The following KCNH7 variants were observed in gnomAD, a reference collection of about 807,000 sequenced individuals.
KCNH7 encodes potassium voltage-gated channel subfamily H member 7.
A neutral mutation model predicts 120.8 loss-of-function variants in KCNH7; 49 were observed. The ratio of observed to expected loss-of-function variants is 0.41; its 90% CI spans 0.32 to 0.51. The LOEUF (loss-of-function observed/expected upper bound fraction) is 0.51. Among genes scored for constraint, KCNH7 ranks in the 20% least tolerant of loss-of-function variants. KCNH7 has a pLI of 0.38. For missense variants in KCNH7, 1,097 were observed against 1,446.6 expected (o/e 0.76, Z 3.92); for synonymous variants, 547 against 516.1 (o/e 1.06, Z -0.81).
At chr2:162,732,556 A>G (rs1404465234) in intron 2 of KCNH7, among the ~76,000 whole-genome samples, 1 of 152,144 alleles carries the variant, frequency 6.6e-6, no homozygotes, top group Admixed American at 6.5e-5. Context: ...TGCAAGGTAC[A>G]ATGGAAGGAA....
chr2:162,685,423 T>C (rs986466788), intron 2 of KCNH7, among the ~76,000 whole-genome samples: 4 of 152,130 alleles, frequency 2.6e-5, no homozygotes, highest in African/African-American at 7.2e-5. Context: ...AATTAGAACA[T>C]TGGTATAGTA....
chr2:162,379,814 G>C, intron 14 of KCNH7, 39 bp downstream of exon 14: 2 of 1,601,640 alleles, frequency 1.2e-6, no homozygotes, highest in Non-Finnish European at 1.7e-6. Context: ...CATGTAAGGG[G>C]TTGGGTTATG....
At position 162,647,722 on chromosome 2, in the gene KCNH7, C is replaced by A. The variant is rs148590094; in HGVS notation, c.308-110642G>T. 9.7e-3 allele frequency among the ~76,000 whole-genome samples: 1,470 copies of A among 152,222 alleles called. 33 individuals are homozygous for A. The highest frequency in any genetic ancestry group is 0.033 in the African/African-American group (1,387 of 41,508). On this transcript the variant is annotated intron_variant, in intron 2 of 15. Coordinates refer to ENST00000332142, the MANE Select transcript of KCNH7 (RefSeq NM_033272.4). ...CACCATGATTGAGAGGCCTCCCCAG[C>A]CACATTGAACTGAGTCAATCAATCC...
chr2:162,633,148 C>A (rs569136404), intron 2 of KCNH7, among the ~76,000 whole-genome samples: 1 of 151,954 alleles, frequency 6.6e-6, no homozygotes, highest in South Asian at 2.1e-4. Flanking sequence ...TTTAGCCTAT[C>A]GTATCATTTA....
intron 12 of KCNH7, among the ~76,000 whole-genome samples, chr2:162,393,265 G>A (rs1367226780): frequency 1.3e-5 from 2 of 151,940 alleles, no homozygotes; most frequent in Admixed American, 1.3e-4. Context: ...TGTTGAGTTC[G>A]AGCTGCCTTT....
Position 162,498,316 on chromosome 2 carries a change from C to CATTTAATTTAATTTA in KCNH7, c.1128+6112_1128+6126dup, listed in dbSNP as rs56162627. 7.7e-4 allele frequency among the ~76,000 whole-genome samples: 114 copies of CATTTAATTTAATTTA among 148,584 alleles called. 3 individuals carry two copies. Among genetic ancestry groups the CATTTAATTTAATTTA allele is most frequent in the Middle Eastern group, 3.4e-3 (1 of 292 alleles). ...TTACTTTCATAATATGGCCTTGTAG[C>CATTTAATTTAATTTA]ATTTAATTTAATTTAATTTAATTTA... On this transcript the variant is annotated intron_variant, in intron 6 of 15. Transcript: ENST00000332142.
intron 6 of KCNH7, among the ~76,000 whole-genome samples, chr2:162,473,943 C>A (rs1689650153): frequency 6.6e-6 from 1 of 152,068 alleles, no homozygotes; most frequent in African/African-American, 2.4e-5. Flanking sequence ...TGTAAGAGGT[C>A]AAAATTGACT....
At chr2:162,396,137 C>A (rs527388712) in intron 11 of KCNH7, among the ~76,000 whole-genome samples, 86 of 151,788 alleles carry the variant, frequency 5.7e-4, no homozygotes, top group African/African-American at 2.0e-3. Flanking sequence ...AAGAGCTACA[C>A]TCGAAGTTCA....
chr2:162,693,396 T>C (rs1338727835), intron 2 of KCNH7, among the ~76,000 whole-genome samples: 1 of 152,210 alleles, frequency 6.6e-6, no homozygotes, highest in East Asian at 1.9e-4. Context: ...TTTAATTTAG[T>C]AGTTTTTCAA....
intron 8 of KCNH7, among the ~76,000 whole-genome samples, chr2:162,425,816 T>C (rs575814198): frequency 7.5e-4 from 114 of 152,244 alleles, no homozygotes; most frequent in African/African-American, 2.6e-3. Context: ...ATCTCTACCA[T>C]CAAAATTAAC....
chr2:162,788,988 T>TAAAAAAAAAAAAAAAAAA (rs61348204), intron 2 of KCNH7, among the ~76,000 whole-genome samples: 2 of 105,164 alleles, frequency 1.9e-5, no homozygotes, highest in African/African-American at 3.6e-5. Context: ...AGGTACTGGT[T>TAAAAAAAAAAAAAAAAAA]AAAAAAAAAA....
intron 2 of KCNH7, among the ~76,000 whole-genome samples, chr2:162,663,996 A>T (rs1270606960): frequency 1.3e-5 from 2 of 152,062 alleles, no homozygotes; most frequent in East Asian, 3.9e-4. Flanking sequence ...TACCAACTCA[A>T]CTTTCTTTCC....
At chr2:162,442,007 T>A (rs1223385574) in intron 7 of KCNH7, among the ~76,000 whole-genome samples, 1 of 89,746 alleles carries the variant, frequency 1.1e-5, no homozygotes, top group Admixed American at 1.2e-4. Context: ...TTCTTTTTTT[T>A]TTTTTTTTTT....
At chr2:162,732,379 A>G (rs1437251486) in intron 2 of KCNH7, among the ~76,000 whole-genome samples, 1 of 152,184 alleles carries the variant, frequency 6.6e-6, no homozygotes, top group Non-Finnish European at 1.5e-5. Context: ...CAGGTACCCA[A>G]TATATAGATA....
At chr2:162,564,172 T>C (rs1341219105) in intron 2 of KCNH7, among the ~76,000 whole-genome samples, 5 of 152,138 alleles carry the variant, frequency 3.3e-5, no homozygotes, top group African/African-American at 9.7e-5. Flanking sequence ...TTTGATCCTG[T>C]TTTTCCATCT....
At chr2:162,641,151 A>G (rs544812272) in intron 2 of KCNH7, among the ~76,000 whole-genome samples, 1 of 152,182 alleles carries the variant, frequency 6.6e-6, no homozygotes, top group Non-Finnish European at 1.5e-5. Flanking sequence ...CAGAACTACC[A>G]CATGACCTAA....
rs565832191 is a variant in KCNH7, at chr2:162,534,258, A to T, written c.463+2667T>A. 5.9e-5 allele frequency among the ~76,000 whole-genome samples: 9 copies of T among 151,680 alleles called. No individual in the cohort carries two copies. The East Asian group carries it at 1.8e-3, about 30-fold the overall frequency. The stretch of plus-strand genomic sequence containing the variant: ...GAAAAAGAGGCAACAAAGTAAGCTG[A>T]TAAAAACTGAATTAAGCATATAAAA... On this transcript the variant is annotated intron_variant, in intron 3 of 15. Transcript: ENST00000332142.
At chr2:162,752,948 GAAAAGAAAAGAAAAGA>G (rs1688631013) in intron 2 of KCNH7, among the ~76,000 whole-genome samples, 2 of 103,252 alleles carry the variant, frequency 1.9e-5, no homozygotes, top group African/African-American at 1.2e-4. Context: ...GAAAAGAAAA[GAAAAGAAAAGAAAAGA>G]AAAGAAAAGA....
chr2:162,408,025 A>G (rs546044024), intron 9 of KCNH7, among the ~76,000 whole-genome samples: 3 of 152,058 alleles, frequency 2.0e-5, no homozygotes, highest in Admixed American at 6.6e-5. Context: ...CAATCACCCC[A>G]GTTTTCAAAT....
Sources: gnomAD v4.1 joint callset for allele counts (sites outside exome capture counted in the v4.1 genomes callset) on GRCh38, gnomAD v4.1.1 for gene constraint, MANE v1.5 for transcripts, NCBI Gene and HGNC (gene_info 2026-07-23, HGNC 2026-07-21) for gene names.